CAPZB: variants seen among roughly 807,000 people sequenced by gnomAD.
CAPZB encodes F-actin-capping protein subunit beta.
A neutral mutation model predicts 38.1 loss-of-function variants in CAPZB; 2 were observed. That is an observed-to-expected ratio of 0.05 (90% confidence interval 0.02 to 0.17). The LOEUF (loss-of-function observed/expected upper bound fraction) is 0.17, where lower values mean the gene tolerates loss of function less well. Ranked by LOEUF, CAPZB falls within the 10% of genes least tolerant of loss-of-function variation. CAPZB has a pLI of 1.00. For missense variants in CAPZB, 161 were observed against 334.2 expected (o/e 0.48, Z 4.04); for synonymous variants, 107 against 127.4 (o/e 0.84, Z 1.08).
chr1:19,434,935 A>G (rs12136530), intron 1 of CAPZB, among the ~76,000 whole-genome samples: 4,260 of 78,996 alleles, frequency 0.054, 2,112 homozygotes, highest in Non-Finnish European at 0.085. Context: ...GGGTAGCCAC[A>G]GAACAAGGGG....
chr1:19,454,658 C>G (rs958226815), intron 1 of CAPZB, among the ~76,000 whole-genome samples: 3 of 152,156 alleles, frequency 2.0e-5, no homozygotes, highest in Non-Finnish European at 4.4e-5. Flanking sequence ...ATCTAGGCTG[C>G]CTGAGTGCAA....
chr1:19,359,730 T>C (rs2094042606), intron 4 of CAPZB, among the ~76,000 whole-genome samples: 1 of 152,206 alleles, frequency 6.6e-6, no homozygotes, highest in Non-Finnish European at 1.5e-5. Flanking sequence ...GGTCTGGCTC[T>C]GGCCAGGTGC....
At chr1:19,392,419 G>C (rs74056841) in intron 2 of CAPZB, among the ~76,000 whole-genome samples, 1,999 of 151,888 alleles carry the variant, frequency 0.013, 47 homozygotes, top group African/African-American at 0.046. Context: ...TGCAAGAACA[G>C]AGAGGAGCAA....
intron 1 of CAPZB, among the ~76,000 whole-genome samples, chr1:19,463,985 G>A (rs1019783810): frequency 2.0e-5 from 3 of 149,720 alleles, no homozygotes; most frequent in Non-Finnish European, 4.4e-5. Context: ...TTTGAGCCGG[G>A]CCAACATGGT....
chr1:19,484,501 T>G, intron 1 of CAPZB: 1 of 1,387,014 alleles, frequency 7.2e-7, no homozygotes, highest in African/African-American at 1.5e-5. Context: ...AGCAGCGCGC[T>G]GCCTTCTGGG....
chr1:19,378,659 G>C lies in CAPZB; in HGVS notation c.216-6C>G. On this transcript the variant is annotated splice_region_variant and splice_polypyrimidine_tract_variant and intron_variant, in intron 3 of 8. Coordinates refer to ENST00000264202, the MANE Select transcript of CAPZB (RefSeq NM_004930.5). Reference sequence around the variant, plus strand: ...ACTTGTTACTCCATGGTGACCTGGAGGGAAGGAAGGAAAAGTATATACCAT... The same window carrying C: ...ACTTGTTACTCCATGGTGACCTGGACGGAAGGAAGGAAAAGTATATACCAT... The C allele has an allele frequency of 6.7e-7, 1 of 1,487,754 alleles. No individual in the cohort carries two copies. The allele number at this position is 1,487,754 out of a possible 1,614,324, so 92.2% of individuals were successfully genotyped here. A position where few individuals can be genotyped will look rare whatever the true frequency, so the allele number is the denominator to read the frequency against.
intron 1 of CAPZB, among the ~76,000 whole-genome samples, chr1:19,424,975 A>G: frequency 6.6e-6 from 1 of 152,208 alleles, no homozygotes; most frequent in East Asian, 1.9e-4. Flanking sequence ...ACAGCAAATA[A>G]CCACAAGGTC....
intron 2 of CAPZB, among the ~76,000 whole-genome samples, chr1:19,395,185 G>A (rs1177169604): frequency 1.3e-5 from 2 of 152,186 alleles, no homozygotes; most frequent in East Asian, 3.8e-4. Context: ...GCTCATATGA[G>A]GCACATGACT....
intron 2 of CAPZB, among the ~76,000 whole-genome samples, chr1:19,397,621 T>A (rs1423119567): frequency 6.6e-6 from 1 of 152,204 alleles, no homozygotes; most frequent in Non-Finnish European, 1.5e-5. Flanking sequence ...GAACCTCTCA[T>A]ACCAGCCACC....
rs552768073 is a variant in CAPZB at position 19,443,636 on chromosome 1, GA to G, written c.4-23887del. Among the ~76,000 whole-genome samples, 665 of 152,080 alleles carry G rather than the reference GA, an allele frequency of 4.4e-3. 2 individuals carry two copies. Among genetic ancestry groups the G allele is most frequent in the African/African-American group, 0.014 (587 of 41,506 alleles). ...GTTGTTGTTGTTGTTGTTTTAAAAA[GA>G]AAAAAAGACAACAGGTTTGATGTGA... is the stretch of plus-strand genomic sequence containing the variant. On this transcript the variant is annotated intron_variant, in intron 1 of 8. Transcript: ENST00000264202.
chr1:19,349,838 T>C (rs958552439), intron 6 of CAPZB, among the ~76,000 whole-genome samples: 2 of 152,008 alleles, frequency 1.3e-5, no homozygotes, highest in African/African-American at 4.8e-5. Context: ...CCCGGCCGTA[T>C]TTCCACAGCC....
intron 6 of CAPZB, among the ~76,000 whole-genome samples, chr1:19,348,844 C>T (rs769581082): frequency 6.6e-6 from 1 of 151,532 alleles, no homozygotes; most frequent in Non-Finnish European, 1.5e-5. Context: ...AGAAAAAAGA[C>T]ATCTGGTTCT....
intron 1 of CAPZB, among the ~76,000 whole-genome samples, chr1:19,440,866 T>A (rs554305457): frequency 6.6e-6 from 1 of 152,102 alleles, no homozygotes; most frequent in African/African-American, 2.4e-5. Flanking sequence ...CGAGACCACC[T>A]TGGCTAACAT....
chr1:19,388,805 C>T (rs942234008), intron 2 of CAPZB, among the ~76,000 whole-genome samples: 3 of 152,162 alleles, frequency 2.0e-5, no homozygotes, highest in African/African-American at 7.2e-5. Flanking sequence ...ATGAGCTGCA[C>T]GGAGACAGAC....
At chr1:19,469,306 T>G (rs566115261) in intron 1 of CAPZB, among the ~76,000 whole-genome samples, 17 of 152,346 alleles carry the variant, frequency 1.1e-4, no homozygotes, top group African/African-American at 4.1e-4. Context: ...ACTATATGTT[T>G]ATTTCAGTGT....
chr1:19,434,970 GTTT>G (rs1224984655), intron 1 of CAPZB, among the ~76,000 whole-genome samples: 2 of 71,126 alleles, frequency 2.8e-5, no homozygotes, highest in African/African-American at 8.6e-5. Flanking sequence ...CAGTCAAAAA[GTTT>G]TTTTTTTCCT....
chr1:19,425,480 T>C (rs1244461160), intron 1 of CAPZB, among the ~76,000 whole-genome samples: 1 of 152,052 alleles, frequency 6.6e-6, no homozygotes, highest in East Asian at 1.9e-4. Context: ...CTTGTTAGGA[T>C]GTCAAATAAT....
intron 1 of CAPZB, among the ~76,000 whole-genome samples, chr1:19,483,247 A>G (rs1283339528): frequency 1.3e-5 from 2 of 152,192 alleles, no homozygotes; most frequent in South Asian, 4.1e-4. Context: ...TGAATATCCC[A>G]TTTTATGTTT....
At chr1:19,397,850 C>T (rs1200916288) in intron 2 of CAPZB, among the ~76,000 whole-genome samples, 1 of 152,086 alleles carries the variant, frequency 6.6e-6, no homozygotes, top group African/African-American at 2.4e-5. Flanking sequence ...TGAGGGCGCG[C>T]GCCACCCGAA....
Sources: allele counts gnomAD v4.1 joint callset (sites outside exome capture counted in the v4.1 genomes callset), GRCh38; gene constraint gnomAD v4.1.1; transcripts MANE v1.5; gene names NCBI Gene and HGNC (gene_info 2026-07-23, HGNC 2026-07-21).